MLLT1: variants seen among roughly 807,000 people sequenced by gnomAD.
The protein encoded by MLLT1 is protein ENL.
A neutral mutation model predicts 55.1 loss-of-function variants in MLLT1; 11 were observed. That is an observed-to-expected ratio of 0.20 (90% CI 0.13 to 0.33). The LOEUF is 0.33. Ranked by LOEUF, MLLT1 falls within the 10% of genes least tolerant of loss-of-function variation. MLLT1 has a pLI of 1.00. For missense variants in MLLT1, 536 were observed against 760.6 expected, an observed-to-expected ratio of 0.70 and a Z score of 3.47; for synonymous variants, 323 against 320.1, an observed-to-expected ratio of 1.01 and a Z score of -0.10.
chr19:6,225,002 G>A lies in MLLT1; in HGVS notation c.546+1975C>T, dbSNP rs554922090. 3.3e-5 allele frequency among the ~76,000 whole-genome samples: 5 copies of A among 152,334 alleles called. No homozygotes were observed. In the South Asian group the frequency reaches 8.3e-4, roughly 25 times the overall value. ...AGGCACTAAATTTTAAGCATAACAT[G>A]AGCACTCTCCAGGGTGAGAAGCCAT... On this transcript the variant is annotated intron_variant, in intron 5 of 11. Transcript: ENST00000252674.
intron 8 of MLLT1, among the ~76,000 whole-genome samples, chr19:6,215,623 C>T (rs1230698673): frequency 6.6e-6 from 1 of 152,206 alleles, no homozygotes; most frequent in Non-Finnish European, 1.5e-5. Context: ...CACCTGCAGG[C>T]GTCTGTGAGG....
chr19:6,212,147 G>A lies in MLLT1; in HGVS notation c.*895C>T, dbSNP rs911357160. ...GGCCGAGCCCCAGGGCGGCTGATGC[G>A]AGTCTGTCCGCGGAGACTGTTGGCG... On this transcript the variant is annotated 3_prime_UTR_variant, in exon 12 of 12. Coordinates refer to ENST00000252674, the MANE Select transcript of MLLT1 (RefSeq NM_005934.4). 1.7e-4 allele frequency: 181 copies of A among 1,066,020 alleles called. No individual in the cohort carries two copies. Among genetic ancestry groups the A allele is most frequent in the Admixed American group, 5.9e-4 (11 of 18,750 alleles). The allele number at this position is 1,066,020 out of a possible 1,614,324, so 66.0% of individuals were successfully genotyped here.
rs775764685 is a variant in MLLT1 at position 6,219,877 on chromosome 19, C to T, written c.1111-1836G>A. Among the ~76,000 whole-genome samples, 13 of 152,338 alleles carry T rather than the reference C, an allele frequency of 8.5e-5. No homozygotes were observed. Among genetic ancestry groups the T allele is most frequent in the Admixed American group, 1.3e-4 (2 of 15,310 alleles). On this transcript the variant is annotated intron_variant, in intron 6 of 11. Coordinates refer to ENST00000252674, the MANE Select transcript of MLLT1 (RefSeq NM_005934.4). This position sits in a 1 kb window ranked among gnomAD's most constrained non-coding sequence, Gnocchi z 4.5. ...AGGAAAGCCAGTCAGGCACACGCAT[C>T]CCCTTTCCTTCCGCCCAAATCCAAG...
intron 3 of MLLT1, among the ~76,000 whole-genome samples, chr19:6,243,232 T>C (rs1413378774): frequency 6.6e-6 from 1 of 151,298 alleles, no homozygotes; most frequent in Non-Finnish European, 1.5e-5. Flanking sequence ...TGCATGTCAG[T>C]GGGGGCCCCC....
In MLLT1 at chr19:6,213,026, G is replaced by GGCA. The variant is rs1568272568; in HGVS notation, c.*13_*15dup. The GGCA allele has an allele frequency of 1.2e-6, 2 of 1,611,168 alleles. No homozygotes were observed. Among genetic ancestry groups the GGCA allele is most frequent in the Non-Finnish European group, 1.7e-6 (2 of 1,178,392 alleles). ...CCCAGGACCCCGGCGGTGGGGGCCC[G>GGCA]GCACGCGGCCCAGGGTCATGTGGCC... is the stretch of plus-strand genomic sequence containing the variant. On this transcript the variant is annotated 3_prime_UTR_variant, in exon 12 of 12. Transcript: ENST00000252674.
At position 6,231,953 on chromosome 19, in the gene MLLT1, T is replaced by A. The variant is rs1270141926; in HGVS notation, c.277-1240A>T. 6.9e-6 allele frequency among the ~76,000 whole-genome samples: 1 copy of A among 145,778 alleles called. No homozygotes were observed. Among genetic ancestry groups the A allele is most frequent in the African/African-American group, 2.5e-5 (1 of 40,188 alleles). On this transcript the variant is annotated intron_variant, in intron 3 of 11. Transcript: ENST00000252674. The surrounding 1 kb of genome is among the most constrained non-coding windows in gnomAD (Gnocchi z 5.1). ...GAGGTTTTCATGGAAACAACGTGCA[T>A]GGGCCGGGCGCGGTGGCTCACGCCT...
Position 6,273,122 on chromosome 19 carries a change from C to T in MLLT1, c.13-2363G>A, listed in dbSNP as rs949639244. Among the ~76,000 whole-genome samples the T allele has an allele frequency of 7.2e-5, 11 of 151,944 alleles. No homozygotes were observed. Among genetic ancestry groups the T allele is most frequent in the Non-Finnish European group, 1.6e-4 (11 of 67,988 alleles). Reference sequence around the variant, plus strand: ...CAGGCCGGAGACAAAAGAAATAACCCGTCGTCATAAGTGGCTGACAGATAT... The same window carrying T: ...CAGGCCGGAGACAAAAGAAATAACCTGTCGTCATAAGTGGCTGACAGATAT... On this transcript the variant is annotated intron_variant, in intron 1 of 11. Coordinates refer to ENST00000252674, the MANE Select transcript of MLLT1 (RefSeq NM_005934.4). This position sits in a 1 kb window ranked among gnomAD's most constrained non-coding sequence, Gnocchi z 4.3.
At chr19:6,215,205 G>A (rs1600168834) in intron 8 of MLLT1, among the ~76,000 whole-genome samples, 2 of 152,356 alleles carry the variant, frequency 1.3e-5, no homozygotes, top group South Asian at 4.1e-4. Context: ...CTCACCCAGG[G>A]CCCACACAAA....
Position 6,212,077 on chromosome 19 carries a change from T to C in MLLT1, c.*965A>G. On this transcript the variant is annotated 3_prime_UTR_variant, in exon 12 of 12. Coordinates refer to ENST00000252674, the MANE Select transcript of MLLT1 (RefSeq NM_005934.4). ...GCAAAAGCTCATATTTTTTTCAAAG[T>C]TTGAAGACTTGAATGAAAGAGAGGA... The C allele has an allele frequency of 9.4e-7, 1 of 1,066,054 alleles. No homozygotes were observed. Among genetic ancestry groups the C allele is most frequent in the Non-Finnish European group, 1.1e-6 (1 of 879,498 alleles). 66.0% of individuals were successfully genotyped at this position (1,066,054 alleles called of 1,614,324 possible). A position where few individuals can be genotyped will look rare whatever the true frequency, so the allele number is the denominator to read the frequency against.
chr19:6,247,496 A>G (rs993949816), intron 3 of MLLT1, among the ~76,000 whole-genome samples: 3 of 152,234 alleles, frequency 2.0e-5, no homozygotes, highest in African/African-American at 7.2e-5. Context: ...CCAAAGAAAA[A>G]CCAAATACCT....
At chr19:6,261,767 A>G (rs1356896937) in intron 3 of MLLT1, among the ~76,000 whole-genome samples, 1 of 152,032 alleles carries the variant, frequency 6.6e-6, no homozygotes, top group African/African-American at 2.4e-5. Flanking sequence ...TCCTTCAAGT[A>G]TTATATATGT....
rs1600172587 is a variant in MLLT1, at chr19:6,219,055, G to A, written c.1111-1014C>T. Among the ~76,000 whole-genome samples the A allele has an allele frequency of 6.6e-6, 1 of 152,102 alleles. No individual in the cohort carries two copies. The highest frequency in any genetic ancestry group is 1.5e-5 in the Non-Finnish European group (1 of 67,982). ...AGGGAAGCCGTGAACGGAGTACTGA[G>A]CTGGTGGGACTCAGGACCTTGAGTG... On this transcript the variant is annotated intron_variant, in intron 6 of 11. Transcript: ENST00000252674. This position sits in a 1 kb window ranked among gnomAD's most constrained non-coding sequence, Gnocchi z 4.5.
Position 6,227,667 on chromosome 19 carries a change from C to T in MLLT1, c.421-565G>A, listed in dbSNP as rs1317622081. On this transcript the variant is annotated intron_variant, in intron 4 of 11. Transcript: ENST00000252674. The surrounding 1 kb of genome is among the most constrained non-coding windows in gnomAD (Gnocchi z 5.1). ...GACCAAGGCAGACGACCTGTGCCTA[C>T]TGGGGGGGTCTCTCTGCAAAGCAGG... Among the ~76,000 whole-genome samples, 2 of 152,202 alleles carry T rather than the reference C, an allele frequency of 1.3e-5. No homozygotes were observed. The highest frequency in any genetic ancestry group is 1.3e-4 in the Admixed American group (2 of 15,290).
Position 6,213,014 on chromosome 19 carries a change from C to A in MLLT1, c.*28G>T. ...TGGCTGCAGCCTCCCAGGACCCCGG[C>A]GGTGGGGGCCCGGCACGCGGCCCAG... On this transcript the variant is annotated 3_prime_UTR_variant, in exon 12 of 12. Coordinates refer to ENST00000252674, the MANE Select transcript of MLLT1 (RefSeq NM_005934.4). The A allele has an allele frequency of 6.2e-7, 1 of 1,609,824 alleles. No homozygotes were observed. Among genetic ancestry groups the A allele is most frequent in the Non-Finnish European group, 8.5e-7 (1 of 1,177,676 alleles).
In MLLT1 at chr19:6,239,028, A is replaced by G. The variant is rs367825975; in HGVS notation, c.277-8315T>C. On this transcript the variant is annotated intron_variant, in intron 3 of 11. Transcript: ENST00000252674. ...CACCAGCTGCTAGGAGAGGAAGCTC[A>G]GGTTTCGTGGCATCTGGCCATTTAC... is the stretch of plus-strand genomic sequence containing the variant. Among the ~76,000 whole-genome samples, 14 of 152,364 alleles carry G rather than the reference A, an allele frequency of 9.2e-5. No individual in the cohort carries two copies. The East Asian group carries it at 2.7e-3, about 29-fold the overall frequency.
At chr19:6,239,190 C>G (rs911186928) in intron 3 of MLLT1, among the ~76,000 whole-genome samples, 1 of 152,232 alleles carries the variant, frequency 6.6e-6, no homozygotes, top group African/African-American at 2.4e-5. Context: ...CCACGGCATA[C>G]TGGAATGGGG....
rs543022031 is a variant in MLLT1 at position 6,227,280 on chromosome 19, A to C, written c.421-178T>G. Among the ~76,000 whole-genome samples, 2 of 152,254 alleles carry C rather than the reference A, an allele frequency of 1.3e-5. No homozygotes were observed. The highest frequency in any genetic ancestry group is 3.9e-4 in the East Asian group (2 of 5,124). ...GGACTGGGTGCTGAGCACGCAGAAGAAGCAGGCATGGGTGGGGAGCGAAGA... is the reference window on the plus strand; with the variant it reads ...GGACTGGGTGCTGAGCACGCAGAAGCAGCAGGCATGGGTGGGGAGCGAAGA... On this transcript the variant is annotated intron_variant, in intron 4 of 11. Transcript: ENST00000252674. This position sits in a 1 kb window ranked among gnomAD's most constrained non-coding sequence, Gnocchi z 5.1.
chr19:6,274,620 G>A (rs140647212), intron 1 of MLLT1, among the ~76,000 whole-genome samples: 28 of 152,166 alleles, frequency 1.8e-4, no homozygotes, highest in Non-Finnish European at 3.7e-4. Flanking sequence ...TGGAACCTCT[G>A]GAATAGACGG....
chr19:6,227,150 G>T lies in MLLT1; in HGVS notation c.421-48C>A. 1 of 1,557,462 alleles carries T rather than the reference G, an allele frequency of 6.4e-7. No homozygotes were observed. Among genetic ancestry groups the T allele is most frequent in the South Asian group, 1.2e-5 (1 of 83,896 alleles). ...CATTATCGATGGGCAGGGGGCAGGG[G>T]GCCCACACGGGCCGGGCTGAAGGTG... is the stretch of plus-strand genomic sequence containing the variant. On this transcript the variant is annotated intron_variant, in intron 4 of 11. Transcript: ENST00000252674. The surrounding 1 kb of genome is among the most constrained non-coding windows in gnomAD (Gnocchi z 5.1).
Sources: allele counts gnomAD v4.1 joint callset (sites outside exome capture counted in the v4.1 genomes callset), GRCh38; gene constraint gnomAD v4.1.1; non-coding constraint Gnocchi (gnomAD v3.1); transcripts MANE v1.5; gene names NCBI Gene and HGNC (gene_info 2026-07-23, HGNC 2026-07-21).